Variants in PHACTR2 observed in about 807,000 individuals in gnomAD.
The protein encoded by PHACTR2 is chromosome 6 open reading frame 56.
Under a neutral mutation model 76.0 loss-of-function variants are expected in PHACTR2, and 30 were observed. The observed-to-expected ratio is 0.39, with a 90% CI of 0.30 to 0.54. PHACTR2 has a LOEUF of 0.54. PHACTR2 is among the 20% of genes least tolerant of loss of function. The pLI is 0.61. For missense variants in PHACTR2, 696 were observed against 781.1 expected, an observed-to-expected ratio of 0.89 and a Z score of 1.30; for synonymous variants, 292 against 292.5, an observed-to-expected ratio of 1.00 and a Z score of 0.02.
chr6:143,678,885 C>G lies in PHACTR2; in HGVS notation c.46+676C>G, dbSNP rs1374368995. Among the ~76,000 whole-genome samples, 3 of 150,164 alleles carry G rather than the reference C, an allele frequency of 2.0e-5. No individual in the cohort carries two copies. The highest frequency in any genetic ancestry group is 3.0e-5 in the Non-Finnish European group (2 of 67,634). ...TTTAAAAGTTTCTTTTTTCCATTTT[C>G]TTAAACAAAAAGAGGGAAGGAAGGT... On this transcript the variant is annotated intron_variant, in intron 1 of 12. Coordinates refer to ENST00000440869, the MANE Select transcript of PHACTR2 (RefSeq NM_001100164.2). This position sits in a 1 kb window ranked among gnomAD's most constrained non-coding sequence, Gnocchi z 6.2.
In PHACTR2 at chr6:143,819,686, T is replaced by C. The variant is rs887700997; in HGVS notation, c.1923-3988T>C. 1.3e-5 allele frequency among the ~76,000 whole-genome samples: 2 copies of C among 152,120 alleles called. No individual in the cohort carries two copies. The highest frequency in any genetic ancestry group is 2.9e-5 in the Non-Finnish European group (2 of 68,010). ...GAGCATGTATCCCAGCTCCAGTAGATAGATTGACATAGTCTCCTTTTCTCT... is the reference window on the plus strand; with the variant it reads ...GAGCATGTATCCCAGCTCCAGTAGACAGATTGACATAGTCTCCTTTTCTCT... On this transcript the variant is annotated intron_variant, in intron 12 of 12. Transcript: ENST00000440869. The surrounding 1 kb of genome is among the most constrained non-coding windows in gnomAD (Gnocchi z 5.0).
Position 143,822,510 on chromosome 6 carries a change from TA to T in PHACTR2, c.1923-1157del, listed in dbSNP as rs1382582337. On this transcript the variant is annotated intron_variant, in intron 12 of 12. Coordinates refer to ENST00000440869, the MANE Select transcript of PHACTR2 (RefSeq NM_001100164.2). The surrounding 1 kb of genome is among the most constrained non-coding windows in gnomAD (Gnocchi z 5.5). ...CGAGACCCCCATATCTAATTAAAAA[TA>T]AAAAAAGATTTTAAAAACCCCAAGA... Among the ~76,000 whole-genome samples the T allele has an allele frequency of 4.6e-5, 7 of 152,030 alleles. 1 individual carries two copies.
intron 1 of PHACTR2, among the ~76,000 whole-genome samples, chr6:143,582,052 C>T (rs1285244515): frequency 6.6e-6 from 1 of 152,166 alleles, no homozygotes; most frequent in African/African-American, 2.4e-5. Context: ...AGACCTATCA[C>T]TCTCATAAAA....
intron 1 of PHACTR2, among the ~76,000 whole-genome samples, chr6:143,552,341 C>T (rs1365309373): frequency 6.6e-6 from 1 of 152,114 alleles, no homozygotes; most frequent in African/African-American, 2.4e-5. Flanking sequence ...ACAGCCAAAG[C>T]ATTTCTGATG....
rs1776574261 is a variant in PHACTR2 at position 143,827,570 on chromosome 6, G to A, written c.*3881G>A. On this transcript the variant is annotated 3_prime_UTR_variant, in exon 13 of 13. Coordinates refer to ENST00000440869, the MANE Select transcript of PHACTR2 (RefSeq NM_001100164.2). ...ATGAATTCATGTCATTTACCCCTGA[G>A]TATGGTAGAATTGTTAAAGCATTCT... is the stretch of plus-strand genomic sequence containing the variant. The A allele has an allele frequency of 6.6e-6, 1 of 152,112 alleles. No individual in the cohort carries two copies. The highest frequency in any genetic ancestry group is 1.5e-5 in the Non-Finnish European group (1 of 68,018). The allele number at this position is 152,112 out of a possible 1,614,324, so 9.4% of individuals were successfully genotyped here.
At position 143,617,582 on chromosome 6, in the gene PHACTR2, C is replaced by A. The variant is rs966004238; in HGVS notation, c.13+9260C>A. Among the ~76,000 whole-genome samples, 20 of 152,232 alleles carry A rather than the reference C, an allele frequency of 1.3e-4. No homozygotes were observed. Among genetic ancestry groups the A allele is most frequent in the Non-Finnish European group, 8.8e-5 (6 of 68,044 alleles). On this transcript the variant is annotated intron_variant, in intron 1 of 11. Transcript: ENST00000305766. This position sits in a 1 kb window ranked among gnomAD's most constrained non-coding sequence, Gnocchi z 4.8. ...TAATGAGCCATGAGGGTGACAACCA[C>A]TGTTAGAGTCCTCTCTCTTTCTCTC...
rs890292375 is a variant in PHACTR2 at position 143,782,915 on chromosome 6, C to G, written c.1646-304C>G. 1.3e-5 allele frequency among the ~76,000 whole-genome samples: 2 copies of G among 151,950 alleles called. No homozygotes were observed. The highest frequency in any genetic ancestry group is 4.8e-5 in the African/African-American group (2 of 41,336). On this transcript the variant is annotated intron_variant, in intron 9 of 12. Coordinates refer to ENST00000440869, the MANE Select transcript of PHACTR2 (RefSeq NM_001100164.2). The surrounding 1 kb of genome is among the most constrained non-coding windows in gnomAD (Gnocchi z 4.6). ...TAGAGGGCTTTCATTAGAATATGGG[C>G]ACTCCTGTGGTTTTTTTAAGAATAC...
rs1582838471 is a variant in PHACTR2 at position 143,749,073 on chromosome 6, A to C, written c.295+8A>C. 2 of 1,406,648 alleles carry C rather than the reference A, an allele frequency of 1.4e-6. No homozygotes were observed. The highest frequency in any genetic ancestry group is 4.6e-5 in the East Asian group (2 of 43,784). The allele number at this position is 1,406,648 out of a possible 1,614,324, so 87.1% of individuals were successfully genotyped here. A position where few individuals can be genotyped will look rare whatever the true frequency, so the allele number is the denominator to read the frequency against. On this transcript the variant is annotated splice_region_variant and intron_variant, in intron 3 of 12. Transcript: ENST00000440869. ...AGGAATTGCCTGATCAAGGTGAGGA[A>C]ATTAATCATACATTTTAAATATTTT...
rs1052312219 is a variant in PHACTR2, at chr6:143,647,611, A to G, written c.13+39289A>G. ...AGAGAAAATAGAGAGACAGAGAATC[A>G]TGGGGTTTTGACTTTACGCGGGAGT... On this transcript the variant is annotated intron_variant, in intron 1 of 11. Transcript: ENST00000305766. This position sits in a 1 kb window ranked among gnomAD's most constrained non-coding sequence, Gnocchi z 4.2. Among the ~76,000 whole-genome samples the G allele has an allele frequency of 6.6e-6, 1 of 152,214 alleles. No individual in the cohort carries two copies. Among genetic ancestry groups the G allele is most frequent in the African/African-American group, 2.4e-5 (1 of 41,466 alleles).
rs1469426103 is a variant in PHACTR2 at position 143,541,616 on chromosome 6, A to G, written c.217+4409A>G. Among the ~76,000 whole-genome samples the G allele has an allele frequency of 1.3e-5, 2 of 151,948 alleles. No individual in the cohort carries two copies. Among genetic ancestry groups the G allele is most frequent in the Non-Finnish European group, 2.9e-5 (2 of 68,018 alleles). On this transcript the variant is annotated intron_variant, in intron 1 of 11. Coordinates refer to the PHACTR2 transcript ENST00000367584. The surrounding 1 kb of genome is among the most constrained non-coding windows in gnomAD (Gnocchi z 5.3). ...TCAGTATCCCTATGCCCTGGTATAT[A>G]TAGGCATAGGGGTAACAGCAAATCC...
intron 1 of PHACTR2, among the ~76,000 whole-genome samples, chr6:143,640,036 G>A (rs965218678): frequency 6.6e-6 from 1 of 152,194 alleles, no homozygotes; most frequent in Admixed American, 6.5e-5. Flanking sequence ...CTGTAATAGA[G>A]TTGAAGAATT....
rs533096319 is a variant in PHACTR2 at position 143,801,721 on chromosome 6, C to T, written c.1846-5336C>T. Among the ~76,000 whole-genome samples, 8 of 152,240 alleles carry T rather than the reference C, an allele frequency of 5.3e-5. No individual in the cohort carries two copies. Among genetic ancestry groups the T allele is most frequent in the East Asian group, 3.9e-4 (2 of 5,176 alleles). The stretch of plus-strand genomic sequence containing the variant: ...CTGTCAACTCATCAAACTCATTCTC[C>T]GTCCAGTTTTGTTCCCTTGCTGGCG... On this transcript the variant is annotated intron_variant, in intron 11 of 12. Transcript: ENST00000440869. This position sits in a 1 kb window ranked among gnomAD's most constrained non-coding sequence, Gnocchi z 4.6.
rs1429902981 is a variant in PHACTR2, at chr6:143,722,663, A to G, written c.214+10480A>G. ...TTTTAGTTATTTTGAGATATACAAT[A>G]TTGTTAGCTATAGTCACCCCATTGT... On this transcript the variant is annotated intron_variant, in intron 2 of 12. Transcript: ENST00000440869. This position sits in a 1 kb window ranked among gnomAD's most constrained non-coding sequence, Gnocchi z 4.1. 2.0e-5 allele frequency among the ~76,000 whole-genome samples: 3 copies of G among 152,128 alleles called. No homozygotes were observed. The highest frequency in any genetic ancestry group is 3.9e-4 in the East Asian group (2 of 5,188).
rs1162818666 is a variant in PHACTR2, at chr6:143,704,076, G to GGT, written c.47-7923_47-7922dup. ...TTCACTTCATGGTAAGTCCATCATG[G>GGT]GTGTGTGTGTGTGTGTGTCTGTGTG... On this transcript the variant is annotated intron_variant, in intron 1 of 12. Transcript: ENST00000440869. Among the ~76,000 whole-genome samples, 225 of 72,950 alleles carry GGT rather than the reference G, an allele frequency of 3.1e-3. 1 individual carries two copies. Among genetic ancestry groups the GGT allele is most frequent in the African/African-American group, 0.011 (183 of 16,758 alleles). 47.9% of individuals were successfully genotyped at this position (72,950 alleles called of 152,430 possible). A position where few individuals can be genotyped will look rare whatever the true frequency, so the allele number is the denominator to read the frequency against.
chr6:143,566,608 T>C lies in PHACTR2; in HGVS notation c.217+29401T>C, dbSNP rs113193665. Among the ~76,000 whole-genome samples the C allele has an allele frequency of 9.1e-3, 1,392 of 152,236 alleles. 24 individuals carry two copies. Among genetic ancestry groups the C allele is most frequent in the African/African-American group, 0.032 (1,332 of 41,534 alleles). ...TGTGAGCCACTGTGTCCAGCCATTTTTTAGTAAAACTTAAATATAAACCAA... is the reference window on the plus strand; with the variant it reads ...TGTGAGCCACTGTGTCCAGCCATTTCTTAGTAAAACTTAAATATAAACCAA... On this transcript the variant is annotated intron_variant, in intron 1 of 11. Transcript: ENST00000367584.
rs145857463 is a variant in PHACTR2, at chr6:143,550,946, G to A, written c.217+13739G>A. Among the ~76,000 whole-genome samples, 13 of 152,108 alleles carry A rather than the reference G, an allele frequency of 8.5e-5. No homozygotes were observed. The East Asian group carries it at 2.5e-3, about 29-fold the overall frequency. Reference sequence around the variant, plus strand: ...CCCAGCTACTTGGGAACTGAGGCAGGAGGATCACTTGAGCCTGGGAGGTTG... The same window carrying A: ...CCCAGCTACTTGGGAACTGAGGCAGAAGGATCACTTGAGCCTGGGAGGTTG... On this transcript the variant is annotated intron_variant, in intron 1 of 11. Coordinates refer to the PHACTR2 transcript ENST00000367584. The surrounding 1 kb of genome is among the most constrained non-coding windows in gnomAD (Gnocchi z 4.8).
intron 11 of PHACTR2, among the ~76,000 whole-genome samples, chr6:143,792,439 A>G (rs901674555): frequency 6.6e-6 from 1 of 151,972 alleles, no homozygotes; most frequent in Non-Finnish European, 1.5e-5. Flanking sequence ...GCTTCTGGTC[A>G]TTCACCTCTC....
chr6:143,651,752 T>C (rs1776768162), intron 1 of PHACTR2, among the ~76,000 whole-genome samples: 1 of 151,970 alleles, frequency 6.6e-6, no homozygotes, highest in Non-Finnish European at 1.5e-5. Flanking sequence ...CTGGGCTTAA[T>C]ATCTAGGTGA....
chr6:143,719,869 A>G (rs1778400749), intron 2 of PHACTR2, among the ~76,000 whole-genome samples: 2 of 134,876 alleles, frequency 1.5e-5, no homozygotes, highest in South Asian at 2.4e-4. Flanking sequence ...CTGGAGTGCA[A>G]TGGCGTAATC....
Sources: allele counts gnomAD v4.1 joint callset (sites outside exome capture counted in the v4.1 genomes callset), GRCh38; gene constraint gnomAD v4.1.1; non-coding constraint Gnocchi (gnomAD v3.1); transcripts MANE v1.5; gene names NCBI Gene and HGNC (gene_info 2026-07-23, HGNC 2026-07-21).